RARB: variants seen among roughly 807,000 people sequenced by gnomAD.
The protein encoded by RARB is retinoic acid receptor beta.
Under a neutral mutation model 51.9 loss-of-function variants are expected in RARB, and 17 were observed. The ratio of observed to expected loss-of-function variants is 0.33; its 90% CI spans 0.22 to 0.49. The LOEUF (loss-of-function observed/expected upper bound fraction) is 0.49. RARB is among the 20% of genes least tolerant of loss of function. The pLI is 0.99. For missense variants in RARB, 369 were observed against 550.8 expected (o/e 0.67, Z 3.30); for synonymous variants, 215 against 195.4 (o/e 1.10, Z -0.84).
intron 5 of RARB, among the ~76,000 whole-genome samples, chr3:25,212,284 A>T (rs116616496): frequency 6.6e-6 from 1 of 152,224 alleles, no homozygotes; most frequent in Non-Finnish European, 1.5e-5. Context: ...AGCATCAATA[A>T]TTTTAACAAC....
At chr3:25,595,981 A>G (rs751691187) in intron 7 of RARB, among the ~76,000 whole-genome samples, 1 of 152,206 alleles carries the variant, frequency 6.6e-6, no homozygotes, top group Admixed American at 6.5e-5. Context: ...AAATGTTTTA[A>G]TGGTGTAAAA....
chr3:25,108,809 TA>T (rs1044887930), intron 3 of RARB, among the ~76,000 whole-genome samples: 8 of 152,242 alleles, frequency 5.3e-5, no homozygotes, highest in African/African-American at 1.9e-4. Context: ...ATAATTAAGC[TA>T]ATTTTTTTCA....
intron 2 of RARB, among the ~76,000 whole-genome samples, chr3:24,900,019 C>A (rs948061777): frequency 4.6e-5 from 7 of 152,062 alleles, no homozygotes; most frequent in Non-Finnish European, 8.8e-5. Flanking sequence ...GGACAGCAAC[C>A]ATAATAAATT....
At chr3:25,527,552 A>G (rs1153598) in intron 3 of RARB, among the ~76,000 whole-genome samples, 37,635 of 152,120 alleles carry the variant, frequency 0.25, 6,398 homozygotes, top group African/African-American at 0.46. Flanking sequence ...TAAGTACAAA[A>G]TGGGGCTGAG....
chr3:25,338,430 A>G (rs149743268), intron 5 of RARB, among the ~76,000 whole-genome samples: 1 of 152,268 alleles, frequency 6.6e-6, no homozygotes, highest in East Asian at 1.9e-4. Context: ...AAACAGAGAG[A>G]CATTCTCTTT....
chr3:25,586,581 C>CA (rs1701400359), intron 5 of RARB, among the ~76,000 whole-genome samples: 1 of 152,232 alleles, frequency 6.6e-6, no homozygotes, highest in East Asian at 1.9e-4. Flanking sequence ...TGAGTCCTGC[C>CA]ACCCACTGCC....
At chr3:25,318,857 A>T (rs1054375421) in intron 5 of RARB, among the ~76,000 whole-genome samples, 1 of 152,192 alleles carries the variant, frequency 6.6e-6, no homozygotes, top group African/African-American at 2.4e-5. Flanking sequence ...CAGCATTGTC[A>T]TCAGACAATA....
At chr3:25,065,937 T>C (rs1251423231) in intron 3 of RARB, among the ~76,000 whole-genome samples, 1 of 152,330 alleles carries the variant, frequency 6.6e-6, no homozygotes, top group Admixed American at 6.5e-5. Context: ...TGAAGATTTT[T>C]TTTTTAAAGA....
intron 5 of RARB, among the ~76,000 whole-genome samples, chr3:25,368,497 T>C (rs541961036): frequency 2.7e-4 from 41 of 152,316 alleles, no homozygotes; most frequent in African/African-American, 9.1e-4. Context: ...TAATATATTA[T>C]TTGTGCACAC....
At position 25,428,414 on chromosome 3, in the gene RARB, G is replaced by T; in HGVS notation, c.-318G>T. On this transcript the variant is annotated 5_prime_UTR_variant, in exon 1 of 8. Coordinates refer to ENST00000330688, the MANE Select transcript of RARB (RefSeq NM_000965.5). Reference sequence around the variant, plus strand: ...GCAGGGTTTGTCTGGGCACCGTCGGGGTAGGATCCGGAACGCATTCGGAAG... The same window carrying T: ...GCAGGGTTTGTCTGGGCACCGTCGGTGTAGGATCCGGAACGCATTCGGAAG... 7.9e-7 allele frequency: 1 copy of T among 1,273,324 alleles called. No homozygotes were observed. The highest frequency in any genetic ancestry group is 9.9e-7 in the Non-Finnish European group (1 of 1,011,898). 78.9% of individuals were successfully genotyped at this position (1,273,324 alleles called of 1,614,324 possible).
intron 5 of RARB, among the ~76,000 whole-genome samples, chr3:25,281,465 C>G (rs1003934833): frequency 3.3e-5 from 5 of 152,182 alleles, no homozygotes; most frequent in African/African-American, 4.8e-5. Flanking sequence ...TGATTGGTGC[C>G]ATTATCTCCT....
At chr3:24,885,060 G>C (rs938890158) in intron 2 of RARB, among the ~76,000 whole-genome samples, 1 of 152,110 alleles carries the variant, frequency 6.6e-6, no homozygotes, top group Non-Finnish European at 1.5e-5. Context: ...GATTCAGCTT[G>C]TCTACCAGCT....
intron 5 of RARB, among the ~76,000 whole-genome samples, chr3:25,256,179 G>A (rs1473532742): frequency 6.6e-6 from 1 of 152,060 alleles, no homozygotes; most frequent in Non-Finnish European, 1.5e-5. Context: ...AACACCTATT[G>A]TATACTCGTC....
At chr3:25,512,753 A>T (rs984719595) in intron 3 of RARB, among the ~76,000 whole-genome samples, 1 of 152,142 alleles carries the variant, frequency 6.6e-6, no homozygotes. Context: ...TCTCCATGCT[A>T]TGAAGTGTTA....
intron 2 of RARB, among the ~76,000 whole-genome samples, chr3:24,982,318 T>G (rs1559421651): frequency 6.6e-6 from 1 of 152,214 alleles, no homozygotes; most frequent in African/African-American, 2.4e-5. Flanking sequence ...GCCTAATCTT[T>G]ATCCAAATCC....
chr3:25,160,567 G>A (rs1453244451), intron 4 of RARB, among the ~76,000 whole-genome samples: 1 of 152,204 alleles, frequency 6.6e-6, no homozygotes, highest in Non-Finnish European at 1.5e-5. Context: ...CTGAATCCAG[G>A]AGAAATAATT....
rs11417503 is a variant in RARB, at chr3:24,879,434, T to TAA, written c.-380+20690_-380+20691dup. 3.4e-4 allele frequency among the ~76,000 whole-genome samples: 49 copies of TAA among 143,018 alleles called. No homozygotes were observed. In the South Asian group the frequency reaches 7.6e-3, roughly 22 times the overall value. 93.8% of individuals were successfully genotyped at this position (143,018 alleles called of 152,430 possible). A position where few individuals can be genotyped will look rare whatever the true frequency, so the allele number is the denominator to read the frequency against. ...ACAGAGCAAGACTCTGTCTCAAAAT[T>TAA]AAAAAAAAATAAAAAATAAAAAAAT... On this transcript the variant is annotated intron_variant, in intron 2 of 11. Transcript: ENST00000383772.
chr3:25,005,779 C>A (rs1697258467), intron 2 of RARB, among the ~76,000 whole-genome samples: 1 of 152,086 alleles, frequency 6.6e-6, no homozygotes, highest in Non-Finnish European at 1.5e-5. Flanking sequence ...TTGTCCCCAC[C>A]CAGCCATCAG....
chr3:25,137,501 A>G (rs1313588808), intron 4 of RARB, among the ~76,000 whole-genome samples: 1 of 152,070 alleles, frequency 6.6e-6, no homozygotes, highest in East Asian at 1.9e-4. Context: ...CAGTGAAATT[A>G]GTTTGGTCAG....
Sources: gnomAD v4.1 joint callset for allele counts (sites outside exome capture counted in the v4.1 genomes callset) on GRCh38, gnomAD v4.1.1 for gene constraint, MANE v1.5 for transcripts, NCBI Gene and HGNC (gene_info 2026-07-23, HGNC 2026-07-21) for gene names.